Variants in DAGLA observed in about 807,000 individuals in gnomAD.
The protein encoded by DAGLA is diacylglycerol lipase-alpha.
Under a neutral mutation model 102.6 loss-of-function variants are expected in DAGLA, and 22 were observed. That is an observed-to-expected ratio of 0.21 (90% confidence interval 0.15 to 0.31). The LOEUF is 0.31. Among genes scored for constraint, DAGLA ranks in the 10% least tolerant of loss-of-function variants. The pLI is 1.00. For synonymous variants in DAGLA, 578 were observed against 628.9 expected (o/e 0.92, Z 1.21); for missense variants, 927 against 1,446.6 (o/e 0.64, Z 5.83).
chr11:61,714,418 G>T (rs958775833), intron 1 of DAGLA, among the ~76,000 whole-genome samples: 9 of 152,246 alleles, frequency 5.9e-5, no homozygotes, highest in Non-Finnish European at 1.0e-4. Flanking sequence ...AGAGCCAGCC[G>T]CAGGTGACTG....
chr11:61,700,014 A>G (rs1591028966), intron 1 of DAGLA, among the ~76,000 whole-genome samples: 1 of 151,992 alleles, frequency 6.6e-6, no homozygotes, highest in Non-Finnish European at 1.5e-5. Flanking sequence ...ATGCCACACC[A>G]CCCTGCATCC....
intron 7 of DAGLA, among the ~76,000 whole-genome samples, chr11:61,728,514 C>T (rs997097642): frequency 2.0e-5 from 3 of 152,192 alleles, no homozygotes; most frequent in Non-Finnish European, 4.4e-5. Flanking sequence ...CTTTCTGGGT[C>T]GTGCATGGCT....
chr11:61,735,070 A>C, intron 10 of DAGLA, 68 bp downstream of exon 10: 2 of 1,557,000 alleles, frequency 1.3e-6, no homozygotes, highest in Non-Finnish European at 1.8e-6. Context: ...TGCTGAGGCT[A>C]TCCTTCCAGG....
chr11:61,731,223 G>T, intron 8 of DAGLA, 94 bp from the exon 9 acceptor site: 1 of 1,501,302 alleles, frequency 6.7e-7, no homozygotes, highest in East Asian at 2.3e-5. Flanking sequence ...GCCAGGGGTT[G>T]GGTCCGCAGG....
chr11:61,697,711 T>G (rs1219913457), intron 1 of DAGLA, among the ~76,000 whole-genome samples: 1 of 152,136 alleles, frequency 6.6e-6, no homozygotes, highest in African/African-American at 2.4e-5. Flanking sequence ...GACAGGGTCT[T>G]GCTCTGTCAC....
chr11:61,695,190 G>T (rs1647448145), intron 1 of DAGLA, among the ~76,000 whole-genome samples: 1 of 152,202 alleles, frequency 6.6e-6, no homozygotes, highest in African/African-American at 2.4e-5. Flanking sequence ...CTGCCCACAG[G>T]CTCTGGGGAA....
intron 1 of DAGLA, among the ~76,000 whole-genome samples, chr11:61,717,821 C>A (rs994852365): frequency 5.9e-5 from 9 of 152,182 alleles, no homozygotes; most frequent in African/African-American, 1.9e-4. Context: ...GGCTGGTCAC[C>A]CTGAGGTGGG....
At chr11:61,682,473 C>G (rs2064950682) in intron 1 of DAGLA, among the ~76,000 whole-genome samples, 1 of 152,176 alleles carries the variant, frequency 6.6e-6, no homozygotes, top group Non-Finnish European at 1.5e-5. Context: ...AGCTGCTGAG[C>G]TGGAACCAGG....
At position 61,741,350 on chromosome 11, in the gene DAGLA, G is replaced by A. The variant is rs1217765829; in HGVS notation, c.2171+1G>A. 1 of 1,604,166 alleles carries A rather than the reference G, an allele frequency of 6.2e-7. No individual in the cohort carries two copies. The highest frequency in any genetic ancestry group is 8.5e-7 in the Non-Finnish European group (1 of 1,179,258). ...CAGACCACCGCAACAGCAGCGTCAG[G>A]TGAGCCTTGGCCACTCCCAGCCCCA... is the stretch of plus-strand genomic sequence containing the variant. On this transcript the variant is annotated splice_donor_variant, in intron 19 of 19. Transcript: ENST00000257215. LOFTEE classifies it high-confidence loss of function.
chr11:61,697,401 C>T (rs557454606), intron 1 of DAGLA, among the ~76,000 whole-genome samples: 1 of 152,298 alleles, frequency 6.6e-6, no homozygotes, highest in South Asian at 2.1e-4. Context: ...CTCGGAAATG[C>T]ATCGCTCTGC....
intron 16 of DAGLA, 26 bp from the exon 17 acceptor site, chr11:61,739,439 C>T (rs1213700123): frequency 1.2e-6 from 2 of 1,608,202 alleles, no homozygotes; most frequent in East Asian, 4.5e-5. Context: ...GCTCTGTCCC[C>T]ATCTCTCCCA....
rs1452974526 is a variant in DAGLA, at chr11:61,741,284, G to C, written c.2106G>C (p.Gly702=). Residue 702 remains glycine, a synonymous_variant, in exon 19 of 20, where the codon GGG becomes GGC. Coordinates refer to ENST00000257215, the MANE Select transcript of DAGLA (RefSeq NM_006133.3). ...LIFQQQPLPT[G]PPMPTGLALE... ...TCCAGCAGCAGCCACTCCCCACGGG[G>C]CCGCCCATGCCCACTGGCCTTGCCC... The C allele has an allele frequency of 6.2e-7, 1 of 1,612,834 alleles. No individual in the cohort carries two copies. Among genetic ancestry groups the C allele is most frequent in the Non-Finnish European group, 8.5e-7 (1 of 1,180,024 alleles).
intron 12 of DAGLA, 94 bp downstream of exon 12, chr11:61,735,910 C>A: frequency 8.5e-7 from 1 of 1,176,314 alleles, no homozygotes; most frequent in Non-Finnish European, 1.2e-6. Context: ...TCCCTGCTCG[C>A]TGGGCTCACT....
intron 8 of DAGLA, among the ~76,000 whole-genome samples, chr11:61,730,593 C>T (rs1284047882): frequency 6.6e-6 from 1 of 152,200 alleles, no homozygotes; most frequent in Non-Finnish European, 1.5e-5. Flanking sequence ...AGCTGGCAGA[C>T]ACTTTGCTGG....
intron 1 of DAGLA, among the ~76,000 whole-genome samples, chr11:61,713,432 A>T (rs1054102557): frequency 2.6e-5 from 4 of 152,178 alleles, no homozygotes; most frequent in African/African-American, 9.7e-5. Flanking sequence ...GTGCGCCGAG[A>T]CCTTGTAGGC....
In DAGLA at chr11:61,734,226, C is replaced by T. The variant is rs1317115837; in HGVS notation, c.975-623C>T. ...TCCAGCTCTGAGTCTGAAGGGAAGC[C>T]GAGTACGTGTACTGACCGAGTGGCA... On this transcript the variant is annotated intron_variant, in intron 9 of 19. Transcript: ENST00000257215. This position sits in a 1 kb window ranked among gnomAD's most constrained non-coding sequence, Gnocchi z 4.2. Among the ~76,000 whole-genome samples, 1 of 151,106 alleles carries T rather than the reference C, an allele frequency of 6.6e-6. No individual in the cohort carries two copies.
In DAGLA at chr11:61,743,559, G is replaced by A. The variant is rs1180782164; in HGVS notation, c.2199G>A (p.Leu733=). The change falls in exon 20 of 20, where the codon CTG becomes CTA. Residue 733 remains leucine, a synonymous_variant. Transcript: ENST00000257215. Reference sequence around the variant, plus strand: ...GCAAGTCCCAGTCTGAGATGAGCCTGGAGGGCTTCTCGGAGGGGCGGCTGC... The same window carrying A: ...GCAAGTCCCAGTCTGAGATGAGCCTAGAGGGCTTCTCGGAGGGGCGGCTGC... ...VRSKSQSEMS[L]EGFSEGRLLS... is the part of the protein sequence containing the mutation. 20 of 1,544,672 alleles carry A rather than the reference G, an allele frequency of 1.3e-5. No individual in the cohort carries two copies. Among genetic ancestry groups the A allele is most frequent in the Non-Finnish European group, 1.7e-5 (20 of 1,152,060 alleles).
intron 1 of DAGLA, among the ~76,000 whole-genome samples, chr11:61,699,250 C>A (rs2135558578): frequency 6.6e-6 from 1 of 152,312 alleles, no homozygotes; most frequent in East Asian, 1.9e-4. Flanking sequence ...GCTGGCCCTG[C>A]AGCCACAGGC....
chr11:61,739,611 G>A lies in DAGLA; in HGVS notation c.1803G>A (p.Pro601=), dbSNP rs138378328. The change falls in exon 17 of 20, where the codon CCG becomes CCA. Residue 601 remains proline (P), a synonymous_variant. Transcript: ENST00000257215. The stretch of plus-strand genomic sequence containing the variant: ...TCTCAGCCAGCACTCCACTCTACCC[G>A]CCCGGCCGCATCATCCACGTGGTCC... ...IALSASTPLY[P]PGRIIHVVHN... The A allele has an allele frequency of 3.7e-5, 59 of 1,614,070 alleles. No homozygotes were observed. In the Middle Eastern group the frequency reaches 4.9e-4, roughly 14 times the overall value.
Sources: allele counts gnomAD v4.1 joint callset (sites outside exome capture counted in the v4.1 genomes callset), GRCh38; gene constraint gnomAD v4.1.1; non-coding constraint Gnocchi (gnomAD v3.1); transcripts MANE v1.5; gene names NCBI Gene and HGNC (gene_info 2026-07-23, HGNC 2026-07-21).